Variants in EYA4 observed in about 807,000 individuals in gnomAD.
EYA4 encodes the protein protein phosphatase EYA4.
In EYA4, 31 loss-of-function variants were observed where a neutral mutation model predicts 87.9. The ratio of observed to expected loss-of-function variants is 0.35; its 90% CI spans 0.27 to 0.48. The LOEUF (loss-of-function observed/expected upper bound fraction) is 0.48, where lower values mean the gene tolerates loss of function less well. EYA4 is among the 20% of genes least tolerant of loss of function. The pLI is 0.99. For synonymous variants in EYA4, 263 were observed against 270.6 expected, an observed-to-expected ratio of 0.97 and a Z score of 0.28; for missense variants, 678 against 761.4, an observed-to-expected ratio of 0.89 and a Z score of 1.29.
chr6:133,442,048 C>G (rs1792358991), intron 3 of EYA4, among the ~76,000 whole-genome samples: 4 of 150,854 alleles, frequency 2.7e-5, no homozygotes. Context: ...ATTTATATAC[C>G]TTTTGTGTGT....
intron 3 of EYA4, among the ~76,000 whole-genome samples, chr6:133,406,400 A>C (rs1249681860): frequency 6.6e-6 from 1 of 152,246 alleles, no homozygotes; most frequent in African/African-American, 2.4e-5. Flanking sequence ...ATACAATGCC[A>C]ACGGCACATC....
chr6:133,462,894 GA>G (rs1794522692), intron 9 of EYA4, 130 bp downstream of exon 9: 1 of 853,104 alleles, frequency 1.2e-6, no homozygotes, highest in Admixed American at 2.0e-5. Flanking sequence ...AATTTCTAAA[GA>G]AAGATAACTA....
intron 1 of EYA4, among the ~76,000 whole-genome samples, chr6:133,265,682 C>T (rs185650222): frequency 1.3e-5 from 2 of 152,160 alleles, no homozygotes; most frequent in South Asian, 2.1e-4. Context: ...AAAAAATTCA[C>T]GTTACCATAA....
intron 7 of EYA4, 186 bp from the exon 8 acceptor site, chr6:133,462,149 T>A: frequency 1.5e-6 from 1 of 679,076 alleles, no homozygotes; most frequent in South Asian, 1.7e-5. Flanking sequence ...CTATGGTCAC[T>A]AGATTGGCTT....
At chr6:133,523,598 T>G (rs928466206) in intron 18 of EYA4, among the ~76,000 whole-genome samples, 1 of 152,078 alleles carries the variant, frequency 6.6e-6, no homozygotes, top group East Asian at 1.9e-4. Context: ...CAGAAAAAAA[T>G]TAAGAGTTTT....
chr6:133,417,290 C>G (rs1438851337), intron 3 of EYA4, among the ~76,000 whole-genome samples: 1 of 152,082 alleles, frequency 6.6e-6, no homozygotes, highest in Non-Finnish European at 1.5e-5. Context: ...CACTTTGGTT[C>G]TCTTTGCACT....
intron 13 of EYA4, 137 bp from the exon 14 acceptor site, chr6:133,505,969 T>C (rs1798576480): frequency 3.0e-6 from 2 of 669,600 alleles, no homozygotes; most frequent in African/African-American, 1.8e-5. Flanking sequence ...TTTGGAAAAC[T>C]GAGAAATCTT....
intron 3 of EYA4, among the ~76,000 whole-genome samples, chr6:133,412,692 CTGAA>C (rs2128543852): frequency 6.6e-6 from 1 of 152,328 alleles, no homozygotes; most frequent in Non-Finnish European, 1.5e-5. Flanking sequence ...TACATGGTCT[CTGAA>C]TGATCTTTGC....
intron 11 of EYA4, among the ~76,000 whole-genome samples, chr6:133,473,729 G>A (rs904004697): frequency 1.3e-5 from 2 of 151,880 alleles, no homozygotes; most frequent in Non-Finnish European, 1.5e-5. Context: ...GGGGCTCTCT[G>A]TTTTGGCTTT....
chr6:133,396,450 C>T (rs1035306990), intron 3 of EYA4, among the ~76,000 whole-genome samples: 4 of 152,104 alleles, frequency 2.6e-5, no homozygotes, highest in Non-Finnish European at 4.4e-5. Context: ...ACAGATGCGC[C>T]ACACCCTGCT....
intron 2 of EYA4, among the ~76,000 whole-genome samples, chr6:133,358,692 A>G (rs9375959): frequency 1.3e-5 from 2 of 152,106 alleles, no homozygotes; most frequent in Non-Finnish European, 1.5e-5. Flanking sequence ...GTTGAGTGCT[A>G]TTCTGCTCCA....
intron 1 of EYA4, among the ~76,000 whole-genome samples, chr6:133,269,588 C>A (rs1292331411): frequency 6.6e-6 from 1 of 152,020 alleles, no homozygotes; most frequent in Admixed American, 6.6e-5. Context: ...GTCTTGTGAT[C>A]TAATAAGGAA....
At chr6:133,252,508 T>A (rs765656751) in intron 1 of EYA4, among the ~76,000 whole-genome samples, 2 of 152,214 alleles carry the variant, frequency 1.3e-5, no homozygotes, top group African/African-American at 2.4e-5. Context: ...ATTTTATCTA[T>A]GAAATGATAT....
intron 2 of EYA4, among the ~76,000 whole-genome samples, chr6:133,354,750 CTTTAG>C (rs1046292816): frequency 1.7e-4 from 26 of 152,182 alleles, no homozygotes; most frequent in African/African-American, 6.3e-4. Context: ...AGGAAGAGTT[CTTTAG>C]TTTATTAAAA....
intron 3 of EYA4, among the ~76,000 whole-genome samples, chr6:133,394,859 A>G (rs1335303785): frequency 1.3e-5 from 2 of 152,258 alleles, no homozygotes; most frequent in Non-Finnish European, 2.9e-5. Context: ...ATATTTTGGC[A>G]TGAACACTGG....
At chr6:133,456,457 T>G in intron 5 of EYA4, 99 bp from the exon 6 acceptor site, 1 of 860,914 alleles carries the variant, frequency 1.2e-6, no homozygotes, top group South Asian at 1.3e-5. Flanking sequence ...GGTTTTCTCT[T>G]GCATGCCCAT....
chr6:133,502,861 C>T (rs190803573), intron 13 of EYA4, among the ~76,000 whole-genome samples: 2 of 152,296 alleles, frequency 1.3e-5, no homozygotes, highest in East Asian at 3.9e-4. Context: ...TTCAATAGGC[C>T]TTGCTCTCTG....
chr6:133,509,409 A>G (rs1483734452), intron 14 of EYA4, among the ~76,000 whole-genome samples: 1 of 152,122 alleles, frequency 6.6e-6, no homozygotes, highest in Non-Finnish European at 1.5e-5. Flanking sequence ...TTAAAAAAAA[A>G]AAAAAAACCG....
rs146671484 is a variant in EYA4, at chr6:133,451,120, A to G, written c.277+2941A>G. 1.5e-4 allele frequency among the ~76,000 whole-genome samples: 23 copies of G among 152,346 alleles called. No individual in the cohort carries two copies. In the East Asian group the frequency reaches 4.1e-3, roughly 27 times the overall value. ...TCTGTTGTCGCTATTTAGCTCTGCT[A>G]TTGTTGCACAAAAGCAGCCATATAC... On this transcript the variant is annotated intron_variant, in intron 5 of 19. Coordinates refer to ENST00000355286, the MANE Select transcript of EYA4 (RefSeq NM_004100.5).
Sources: allele counts gnomAD v4.1 joint callset (sites outside exome capture counted in the v4.1 genomes callset), GRCh38; gene constraint gnomAD v4.1.1; transcripts MANE v1.5; gene names NCBI Gene and HGNC (gene_info 2026-07-23, HGNC 2026-07-21).